Variants in RBFOX1 observed in about 807,000 individuals in gnomAD.
RBFOX1 encodes the protein RNA binding protein fox-1 homolog 1.
Under a neutral mutation model 57.7 loss-of-function variants are expected in RBFOX1, and 8 were observed. The ratio of observed to expected loss-of-function variants is 0.14; its 90% CI spans 0.08 to 0.25. The LOEUF (loss-of-function observed/expected upper bound fraction) is 0.25. Among genes scored for constraint, RBFOX1 ranks in the 10% least tolerant of loss-of-function variants. The pLI is 1.00. For synonymous variants in RBFOX1, 326 were observed against 222.4 expected, an observed-to-expected ratio of 1.47 and a Z score of -4.15; for missense variants, 611 against 548.5, an observed-to-expected ratio of 1.11 and a Z score of -1.14.
At chr16:7,458,306 C>T (rs2058922141) in intron 4 of RBFOX1, among the ~76,000 whole-genome samples, 1 of 152,126 alleles carries the variant, frequency 6.6e-6, no homozygotes. Context: ...TGTCTCTCTG[C>T]CTTCCCCTAA....
intron 2 of RBFOX1, among the ~76,000 whole-genome samples, chr16:6,443,291 C>G (rs995170447): frequency 1.3e-5 from 2 of 152,150 alleles, no homozygotes; most frequent in Non-Finnish European, 2.9e-5. Context: ...TGCTATCTCT[C>G]ACGTTCATTC....
At chr16:5,894,502 T>A (rs926625613) in intron 4 of RBFOX1, among the ~76,000 whole-genome samples, 1 of 152,092 alleles carries the variant, frequency 6.6e-6, no homozygotes, top group East Asian at 2.0e-4. Context: ...CTTGAACTCC[T>A]GACCTCAGAT....
chr16:7,383,461 G>A (rs1030847233), intron 4 of RBFOX1, among the ~76,000 whole-genome samples: 5 of 152,068 alleles, frequency 3.3e-5, no homozygotes, highest in African/African-American at 1.2e-4. Flanking sequence ...AATTATCTGA[G>A]TTTTAGGCTA....
chr16:7,127,751 C>G (rs373516309), intron 4 of RBFOX1, among the ~76,000 whole-genome samples: 1 of 152,180 alleles, frequency 6.6e-6, no homozygotes, highest in Non-Finnish European at 1.5e-5. Flanking sequence ...CTTCTGCATT[C>G]TTCCTCATAG....
intron 4 of RBFOX1, among the ~76,000 whole-genome samples, chr16:7,129,261 T>C (rs912019369): frequency 6.6e-6 from 1 of 152,126 alleles, no homozygotes; most frequent in African/African-American, 2.4e-5. Context: ...AACCCCACAA[T>C]TGAACCAATC....
intron 7 of RBFOX1, among the ~76,000 whole-genome samples, chr16:7,587,679 A>T (rs1219375518): frequency 6.6e-6 from 1 of 152,130 alleles, no homozygotes; most frequent in African/African-American, 2.4e-5. Context: ...AAGTGCAGTT[A>T]TTTTCCTGGG....
intron 3 of RBFOX1, among the ~76,000 whole-genome samples, chr16:5,747,695 A>AGTTT (rs1416751265): frequency 2.0e-5 from 3 of 151,266 alleles, no homozygotes; most frequent in East Asian, 1.9e-4. Flanking sequence ...CTTTGATGGT[A>AGTTT]GTATTTCTGT....
At chr16:7,215,204 G>C (rs916266970) in intron 4 of RBFOX1, among the ~76,000 whole-genome samples, 3 of 152,292 alleles carry the variant, frequency 2.0e-5, no homozygotes. Context: ...TGATGGTTCA[G>C]CTTCATCCGT....
At chr16:5,743,110 G>A (rs1031396833) in intron 3 of RBFOX1, among the ~76,000 whole-genome samples, 1 of 152,170 alleles carries the variant, frequency 6.6e-6, no homozygotes, top group Non-Finnish European at 1.5e-5. Context: ...CACACTAACG[G>A]TGAGTATTCT....
intron 1 of RBFOX1, among the ~76,000 whole-genome samples, chr16:6,269,493 G>C (rs1391943283): frequency 6.6e-6 from 1 of 152,148 alleles, no homozygotes; most frequent in Non-Finnish European, 1.5e-5. Context: ...AGTAACGAGA[G>C]TAAAATGCAC....
At chr16:7,365,632 A>G (rs772051756) in intron 4 of RBFOX1, among the ~76,000 whole-genome samples, 1 of 152,208 alleles carries the variant, frequency 6.6e-6, no homozygotes, top group Non-Finnish European at 1.5e-5. Flanking sequence ...GTGCTGATTT[A>G]CAGCATCATC....
At chr16:7,135,543 A>C (rs1377387332) in intron 4 of RBFOX1, among the ~76,000 whole-genome samples, 3 of 152,250 alleles carry the variant, frequency 2.0e-5, no homozygotes, top group African/African-American at 7.2e-5. Flanking sequence ...AAGATAATTA[A>C]GGTAACAACT....
chr16:7,593,577 T>G (rs1343434069), intron 7 of RBFOX1, among the ~76,000 whole-genome samples: 1 of 152,092 alleles, frequency 6.6e-6, no homozygotes, highest in African/African-American at 2.4e-5. Context: ...TTTGGTTCAA[T>G]CCCCTAAAGT....
chr16:6,111,362 C>G (rs1414451256), intron 1 of RBFOX1, among the ~76,000 whole-genome samples: 1 of 152,124 alleles, frequency 6.6e-6, no homozygotes, highest in Non-Finnish European at 1.5e-5. Flanking sequence ...CTGGGATGGG[C>G]TTATTTTCTT....
At chr16:7,094,771 T>TGTGTGTGTGTGTGTGG (rs945776849) in intron 4 of RBFOX1, among the ~76,000 whole-genome samples, 3 of 140,962 alleles carry the variant, frequency 2.1e-5, no homozygotes, top group African/African-American at 4.9e-5. Context: ...TGTGTGTGTG[T>TGTGTGTGTGTGTGTGG]GTGTGGGTGT....
chr16:7,181,538 C>CTCTCTCTTTCTCTCA (rs1182574630), intron 4 of RBFOX1, among the ~76,000 whole-genome samples: 1 of 140,884 alleles, frequency 7.1e-6, no homozygotes, highest in Non-Finnish European at 1.5e-5. Flanking sequence ...CCCTTGCTCT[C>CTCTCTCTTTCTCTCA]TCTCTCTTTC....
At chr16:5,561,111 T>A (rs982804958) in intron 2 of RBFOX1, among the ~76,000 whole-genome samples, 1 of 152,180 alleles carries the variant, frequency 6.6e-6, no homozygotes, top group Admixed American at 6.5e-5. Context: ...TACAACACTG[T>A]GACTATGTCC....
chr16:5,847,985 G>A (rs961695504), intron 3 of RBFOX1, among the ~76,000 whole-genome samples: 1 of 152,054 alleles, frequency 6.6e-6, no homozygotes, highest in Non-Finnish European at 1.5e-5. Context: ...GACATCATCT[G>A]GTGTAGTGTA....
chr16:6,658,945 G>GTTTT (rs778640073), intron 3 of RBFOX1, among the ~76,000 whole-genome samples: 1 of 139,446 alleles, frequency 7.2e-6, no homozygotes, highest in African/African-American at 2.7e-5. Context: ...TGTTTTTTTT[G>GTTTT]TTTTTTTTTT....
Sources: allele counts gnomAD v4.1 joint callset (sites outside exome capture counted in the v4.1 genomes callset), GRCh38; gene constraint gnomAD v4.1.1; transcripts MANE v1.5; gene names NCBI Gene and HGNC (gene_info 2026-07-23, HGNC 2026-07-21).